Variants in VSTM2L observed in about 807,000 individuals in gnomAD.
VSTM2L encodes V-set and transmembrane domain-containing protein 2-like protein.
A neutral mutation model predicts 19.9 loss-of-function variants in VSTM2L; 9 were observed. That is an observed-to-expected ratio of 0.45 (90% confidence interval 0.27 to 0.79). VSTM2L has a LOEUF of 0.79. Ranked by LOEUF, VSTM2L falls within the 30% of genes least tolerant of loss-of-function variation. The pLI, the probability that VSTM2L is intolerant of heterozygous loss-of-function variation, is 0.15. For missense variants in VSTM2L, 286 were observed against 295.5 expected (o/e 0.97, Z 0.24); for synonymous variants, 127 against 133.8 (o/e 0.95, Z 0.35).
chr20:37,920,580 G>T (rs993881221), intron 1 of VSTM2L, among the ~76,000 whole-genome samples: 1 of 152,254 alleles, frequency 6.6e-6, no homozygotes, highest in Non-Finnish European at 1.5e-5. Flanking sequence ...GCTGGGCCAG[G>T]TGGGCCAGGC....
In VSTM2L at chr20:37,903,298, G is replaced by C; in HGVS notation, c.-53G>C. 7.4e-7 allele frequency: 1 copy of C among 1,351,736 alleles called. No homozygotes were observed. Among genetic ancestry groups the C allele is most frequent in the Non-Finnish European group, 9.5e-7 (1 of 1,057,772 alleles). The allele number at this position is 1,351,736 out of a possible 1,614,324, so 83.7% of individuals were successfully genotyped here. On this transcript the variant is annotated 5_prime_UTR_variant, in exon 1 of 4. Coordinates refer to ENST00000373461, the MANE Select transcript of VSTM2L (RefSeq NM_080607.3). Reference sequence around the variant, plus strand: ...AGGGGACAGCTGGCGCCGGTTCTGCGGTCTCCGGGGCCCAGATGTGAGGCG... The same window carrying C: ...AGGGGACAGCTGGCGCCGGTTCTGCCGTCTCCGGGGCCCAGATGTGAGGCG...
chr20:37,944,424 C>CCCCCCCCCCCGCCCCTTGAAA lies in VSTM2L; in HGVS notation c.*171_*172insCCCCCCCCCCGCCCCTTGAAA. 1 of 1,189,498 alleles carries CCCCCCCCCCCGCCCCTTGAAA rather than the reference C, an allele frequency of 8.4e-7. No homozygotes were observed. The highest frequency in any genetic ancestry group is 1.1e-6 in the Non-Finnish European group (1 of 913,780). The allele number at this position is 1,189,498 out of a possible 1,614,324, so 73.7% of individuals were successfully genotyped here. On this transcript the variant is annotated 3_prime_UTR_variant, in exon 4 of 4. Transcript: ENST00000373461. ...CACCCCTTGCTCAGCATGTAAGCCC[C>CCCCCCCCCCCGCCCCTTGAAA]ACCCACCCCTGCCCTTTCAGACCCC...
intron 1 of VSTM2L, among the ~76,000 whole-genome samples, chr20:37,912,098 C>T (rs1044071153): frequency 6.6e-6 from 1 of 152,228 alleles, no homozygotes; most frequent in African/African-American, 2.4e-5. Flanking sequence ...GGCGGGCCCT[C>T]CCATTTTACA....
At chr20:37,914,650 G>A (rs955565134) in intron 1 of VSTM2L, among the ~76,000 whole-genome samples, 2 of 151,954 alleles carry the variant, frequency 1.3e-5, no homozygotes, top group Non-Finnish European at 2.9e-5. Context: ...GTGCTCCACG[G>A]ACCCCTTAGA....
intron 3 of VSTM2L, among the ~76,000 whole-genome samples, chr20:37,943,427 AT>A (rs35126131): frequency 0.57 from 71,892 of 126,898 alleles, 20,542 homozygotes; most frequent in South Asian, 0.67. Flanking sequence ...AGGCGCCTCT[AT>A]TTTTTTTTTT....
At chr20:37,934,690 C>T (rs763456124) in intron 3 of VSTM2L, among the ~76,000 whole-genome samples, 14 of 152,122 alleles carry the variant, frequency 9.2e-5, no homozygotes, top group Admixed American at 3.3e-4. Context: ...ACCCCCAAAC[C>T]GAGGTCACCA....
At chr20:37,917,511 A>T (rs1439494993) in intron 1 of VSTM2L, among the ~76,000 whole-genome samples, 2 of 152,202 alleles carry the variant, frequency 1.3e-5, no homozygotes, top group Admixed American at 1.3e-4. Flanking sequence ...ACACTGAAAC[A>T]GGCTCTTCAC....
chr20:37,928,845 T>C (rs1467621082), intron 1 of VSTM2L, among the ~76,000 whole-genome samples: 1 of 152,178 alleles, frequency 6.6e-6, no homozygotes, highest in African/African-American at 2.4e-5. Flanking sequence ...ATACATAAAA[T>C]AGGCATATTA....
chr20:37,922,764 G>A (rs1040274201), intron 1 of VSTM2L, among the ~76,000 whole-genome samples: 4 of 152,220 alleles, frequency 2.6e-5, no homozygotes, highest in African/African-American at 9.6e-5. Flanking sequence ...CAGAGATGGA[G>A]GGAGCTGGGG....
intron 1 of VSTM2L, among the ~76,000 whole-genome samples, chr20:37,907,653 CCACACACACACACCCCTACACACA>C (rs1322168222): frequency 6.6e-6 from 1 of 151,232 alleles, no homozygotes; most frequent in Admixed American, 6.6e-5. Flanking sequence ...CCCCACCCTG[CCACACACACACACCCCTACACACA>C]CACACACCCA....
intron 1 of VSTM2L, among the ~76,000 whole-genome samples, chr20:37,908,179 G>C (rs1013782026): frequency 6.6e-6 from 1 of 152,208 alleles, no homozygotes; most frequent in Non-Finnish European, 1.5e-5. Flanking sequence ...AGCAGCTCCT[G>C]CAGCCTTTTC....
At chr20:37,934,124 G>A (rs2072926319) in intron 3 of VSTM2L, among the ~76,000 whole-genome samples, 1 of 152,246 alleles carries the variant, frequency 6.6e-6, no homozygotes, top group Non-Finnish European at 1.5e-5. Flanking sequence ...CTGAGGCTCA[G>A]GAGGTCAGGG....
chr20:37,928,317 T>C (rs1249471413), intron 1 of VSTM2L, among the ~76,000 whole-genome samples: 3 of 152,088 alleles, frequency 2.0e-5, no homozygotes, highest in Non-Finnish European at 4.4e-5. Context: ...CACTATCTCC[T>C]TGTGTTCCGC....
Position 37,910,366 on chromosome 20 carries a change from G to A in VSTM2L, c.121+6895G>A, listed in dbSNP as rs528578764. Reference sequence around the variant, plus strand: ...TTGGAGACCCGGGGGCATCCAACAGGCTGCCCTGTCACACTGCATGCTCCA... The same window carrying A: ...TTGGAGACCCGGGGGCATCCAACAGACTGCCCTGTCACACTGCATGCTCCA... On this transcript the variant is annotated intron_variant, in intron 1 of 3. Transcript: ENST00000373461. 2.0e-5 allele frequency among the ~76,000 whole-genome samples: 3 copies of A among 152,354 alleles called. No homozygotes were observed. In the South Asian group the frequency reaches 6.2e-4, roughly 32 times the overall value.
In VSTM2L at chr20:37,927,700, G is replaced by T. The variant is rs181973173; in HGVS notation, c.122-3935G>T. On this transcript the variant is annotated intron_variant, in intron 1 of 3. Transcript: ENST00000373461. Reference sequence around the variant, plus strand: ...CAGAGTCAGGGTTTTCTGTCGGTTGGCAGGGGCGGGGGGGCCGTGGGCAGG... The same window carrying T: ...CAGAGTCAGGGTTTTCTGTCGGTTGTCAGGGGCGGGGGGGCCGTGGGCAGG... Among the ~76,000 whole-genome samples the T allele has an allele frequency of 4.3e-3, 653 of 152,330 alleles. 4 individuals are homozygous for T. Among genetic ancestry groups the T allele is most frequent in the African/African-American group, 0.015 (617 of 41,586 alleles).
intron 1 of VSTM2L, among the ~76,000 whole-genome samples, chr20:37,915,532 C>T (rs547680628): frequency 4.3e-4 from 66 of 152,234 alleles, no homozygotes; most frequent in African/African-American, 1.6e-3. Context: ...CGGGAGCCCA[C>T]TGTGTGCCTG....
Position 37,945,105 on chromosome 20 carries a change from G to C in VSTM2L, c.*852G>C. On this transcript the variant is annotated 3_prime_UTR_variant, in exon 4 of 4. Transcript: ENST00000373461. ...AGGGCCTGGGGCTGTTGGGAGCCAAGGGCCCCCTGGTACTCAGTTCCCTCA... is the reference window on the plus strand; with the variant it reads ...AGGGCCTGGGGCTGTTGGGAGCCAACGGCCCCCTGGTACTCAGTTCCCTCA... 1 of 985,800 alleles carries C rather than the reference G, an allele frequency of 1.0e-6. No individual in the cohort carries two copies. Among genetic ancestry groups the C allele is most frequent in the Non-Finnish European group, 1.2e-6 (1 of 829,924 alleles). The allele number at this position is 985,800 out of a possible 1,614,324, so 61.1% of individuals were successfully genotyped here.
chr20:37,904,434 T>C (rs1484770421), intron 1 of VSTM2L, among the ~76,000 whole-genome samples: 4 of 152,282 alleles, frequency 2.6e-5, no homozygotes, highest in Non-Finnish European at 1.5e-5. Context: ...GCTGGCTGAG[T>C]GTCAGAAGCT....
intron 1 of VSTM2L, among the ~76,000 whole-genome samples, chr20:37,927,937 G>C (rs1052188348): frequency 1.3e-5 from 2 of 152,176 alleles, no homozygotes; most frequent in Non-Finnish European, 2.9e-5. Flanking sequence ...GGCTGGGTCC[G>C]AGGGCTGGCT....
Sources: gnomAD v4.1 joint callset for allele counts (sites outside exome capture counted in the v4.1 genomes callset) on GRCh38, gnomAD v4.1.1 for gene constraint, MANE v1.5 for transcripts, NCBI Gene and HGNC (gene_info 2026-07-23, HGNC 2026-07-21) for gene names.